SNN: variants seen among roughly 807,000 people sequenced by gnomAD.
SNN encodes the protein AG8_1.
A neutral mutation model predicts 5.3 loss-of-function variants in SNN; 5 were observed. The ratio of observed to expected loss-of-function variants is 0.94; its 90% confidence interval spans 0.49 to 1.97. The LOEUF is 1.97. SNN is among the 30% of genes most tolerant of loss of function. The pLI, the probability that SNN is intolerant of heterozygous loss-of-function variation, is 0.01. For missense variants in SNN, 127 were observed against 121.6 expected (o/e 1.04, Z -0.21); for synonymous variants, 67 against 52.1 (o/e 1.29, Z -1.24).
At chr16:11,670,893 G>A (rs2050262261) in intron 1 of SNN, among the ~76,000 whole-genome samples, 2 of 152,118 alleles carry the variant, frequency 1.3e-5, no homozygotes, top group Admixed American at 6.5e-5. Context: ...GGCAGGGACT[G>A]TCCATTTGAA....
At position 11,676,823 on chromosome 16, in the gene SNN, CT is replaced by C. The variant is rs975418037; in HGVS notation, c.*498del. 3 of 172,304 alleles carry C rather than the reference CT, an allele frequency of 1.7e-5. No homozygotes were observed. Among genetic ancestry groups the C allele is most frequent in the Admixed American group, 6.1e-5 (1 of 16,490 alleles). 10.7% of individuals were successfully genotyped at this position (172,304 alleles called of 1,614,324 possible). A position where few individuals can be genotyped will look rare whatever the true frequency, so the allele number is the denominator to read the frequency against. On this transcript the variant is annotated 3_prime_UTR_variant, in exon 2 of 2. Coordinates refer to ENST00000329565, the MANE Select transcript of SNN (RefSeq NM_003498.6). Reference sequence around the variant, plus strand: ...GGCCCACGCCACACTCGGCAGGGGTCTCTCATGTGTGTCCATCTGCGTGTAT... The same window carrying C: ...GGCCCACGCCACACTCGGCAGGGGTCCTCATGTGTGTCCATCTGCGTGTAT...
chr16:11,676,570 C>T lies in SNN; in HGVS notation c.*244C>T, dbSNP rs975850418. On this transcript the variant is annotated 3_prime_UTR_variant, in exon 2 of 2. Transcript: ENST00000329565. Reference sequence around the variant, plus strand: ...GCCTGACCTTGCTGGGGCTCATGGCCCTGTAGCGCTTTTGTTACTTGAATG... The same window carrying T: ...GCCTGACCTTGCTGGGGCTCATGGCTCTGTAGCGCTTTTGTTACTTGAATG... 3 of 532,760 alleles carry T rather than the reference C, an allele frequency of 5.6e-6. No individual in the cohort carries two copies. The highest frequency in any genetic ancestry group is 6.1e-5 in the South Asian group (2 of 32,708). The allele number at this position is 532,760 out of a possible 1,614,324, so 33.0% of individuals were successfully genotyped here.
At position 11,672,223 on chromosome 16, in the gene SNN, G is replaced by A. The variant is rs2050270166; in HGVS notation, c.-86+3683G>A. On this transcript the variant is annotated intron_variant, in intron 1 of 1. Coordinates refer to ENST00000329565, the MANE Select transcript of SNN (RefSeq NM_003498.6). This position sits in a 1 kb window ranked among gnomAD's most constrained non-coding sequence, Gnocchi z 6.0. Reference sequence around the variant, plus strand: ...GGTACAGCTGTGGGCGGGACAGACGGTGCCCTCCTTGGACTGCCTTGGAGT... The same window carrying A: ...GGTACAGCTGTGGGCGGGACAGACGATGCCCTCCTTGGACTGCCTTGGAGT... Among the ~76,000 whole-genome samples the A allele has an allele frequency of 6.6e-6, 1 of 152,330 alleles. No individual in the cohort carries two copies. Among genetic ancestry groups the A allele is most frequent in the South Asian group, 2.1e-4 (1 of 4,826 alleles).
chr16:11,678,924 G>A lies in SNN; in HGVS notation c.*2598G>A. 2.3e-6 allele frequency: 1 copy of A among 435,524 alleles called. No individual in the cohort carries two copies. The highest frequency in any genetic ancestry group is 4.3e-6 in the Non-Finnish European group (1 of 235,004). 27.0% of individuals were successfully genotyped at this position (435,524 alleles called of 1,614,324 possible). The stretch of plus-strand genomic sequence containing the variant: ...GAAGCAACAGTGGGGGCACAGGGAG[G>A]GAACTCTTGACACTGAGCCACTAAA... On this transcript the variant is annotated 3_prime_UTR_variant, in exon 2 of 2. Transcript: ENST00000329565.
In SNN at chr16:11,676,401, G is replaced by A. The variant is rs1443000985; in HGVS notation, c.*75G>A. 11 of 1,489,846 alleles carry A rather than the reference G, an allele frequency of 7.4e-6. No homozygotes were observed. The highest frequency in any genetic ancestry group is 2.4e-5 in the East Asian group (1 of 41,512). The allele number at this position is 1,489,846 out of a possible 1,614,324, so 92.3% of individuals were successfully genotyped here. The stretch of plus-strand genomic sequence containing the variant: ...GGGAGGGGCAAAACCATACGGATGC[G>A]CTGCTGTCTGAGAGGAAGGGCTGAC... On this transcript the variant is annotated 3_prime_UTR_variant, in exon 2 of 2. Coordinates refer to ENST00000329565, the MANE Select transcript of SNN (RefSeq NM_003498.6).
chr16:11,675,237 A>G (rs1385146091), intron 1 of SNN, among the ~76,000 whole-genome samples: 1 of 130,072 alleles, frequency 7.7e-6, no homozygotes, highest in African/African-American at 2.8e-5. Context: ...TGTCATTGTC[A>G]TTTCTTTTTC....
chr16:11,669,561 C>T (rs969018858), intron 1 of SNN, among the ~76,000 whole-genome samples: 7 of 152,368 alleles, frequency 4.6e-5, no homozygotes, highest in African/African-American at 1.7e-4. Context: ...CAAGAGGGAA[C>T]AGTAATAGCT....
chr16:11,673,324 G>A (rs1035164390), intron 1 of SNN, among the ~76,000 whole-genome samples: 1 of 152,152 alleles, frequency 6.6e-6, no homozygotes, highest in African/African-American at 2.4e-5. Context: ...ACAGAGCAGG[G>A]CCACCGTGGA....
rs1356190184 is a variant in SNN, at chr16:11,676,671, C to T, written c.*345C>T. 6 of 279,392 alleles carry T rather than the reference C, an allele frequency of 2.1e-5. No homozygotes were observed. Among genetic ancestry groups the T allele is most frequent in the Non-Finnish European group, 3.7e-5 (5 of 136,626 alleles). The allele number at this position is 279,392 out of a possible 1,614,324, so 17.3% of individuals were successfully genotyped here. A position where few individuals can be genotyped will look rare whatever the true frequency, so the allele number is the denominator to read the frequency against. On this transcript the variant is annotated 3_prime_UTR_variant, in exon 2 of 2. Coordinates refer to ENST00000329565, the MANE Select transcript of SNN (RefSeq NM_003498.6). ...CAAACCTGTGAACTGTAAATAGGCC[C>T]CTGGAAGCACGTGCTTAAGCCCTTT...
rs550841237 is a variant in SNN, at chr16:11,676,018, C to T, written c.-42C>T. ...GAGTTCCAGCCTCACTGAGTGGCCA[C>T]CCCCAAAGTGCTGCCAGCCGAGGAA... On this transcript the variant is annotated 5_prime_UTR_variant, in exon 2 of 2. Transcript: ENST00000329565. 2.9e-5 allele frequency: 45 copies of T among 1,540,584 alleles called. No homozygotes were observed. In the South Asian group the frequency reaches 5.3e-4, roughly 18 times the overall value.
Position 11,672,065 on chromosome 16 carries a change from T to C in SNN, c.-86+3525T>C, listed in dbSNP as rs2050269234. 6.7e-6 allele frequency among the ~76,000 whole-genome samples: 1 copy of C among 149,156 alleles called. No individual in the cohort carries two copies. Among genetic ancestry groups the C allele is most frequent in the Non-Finnish European group, 1.5e-5 (1 of 65,662 alleles). On this transcript the variant is annotated intron_variant, in intron 1 of 1. Transcript: ENST00000329565. This position sits in a 1 kb window ranked among gnomAD's most constrained non-coding sequence, Gnocchi z 6.0. Reference sequence around the variant, plus strand: ...TGTGCTCAGGGTTCTGGGAGTGCCCTGAGTGTCAGGGACCCCCCCACCTAT... The same window carrying C: ...TGTGCTCAGGGTTCTGGGAGTGCCCCGAGTGTCAGGGACCCCCCCACCTAT...
chr16:11,669,905 T>C (rs1317840020), intron 1 of SNN, among the ~76,000 whole-genome samples: 1 of 150,616 alleles, frequency 6.6e-6, no homozygotes, highest in Non-Finnish European at 1.5e-5. Context: ...GTGTCATGGG[T>C]GGGGGTGGAG....
At chr16:11,670,703 C>G (rs8191282) in intron 1 of SNN, among the ~76,000 whole-genome samples, 9 of 152,222 alleles carry the variant, frequency 5.9e-5, no homozygotes, top group Non-Finnish European at 1.2e-4. Context: ...AAGCAGGCCG[C>G]AAAAGTGAGT....
chr16:11,675,254 T>C (rs2050291915), intron 1 of SNN, among the ~76,000 whole-genome samples: 1 of 149,926 alleles, frequency 6.7e-6, no homozygotes, highest in African/African-American at 2.5e-5. Context: ...TTTCTTTTTT[T>C]TTTCTTTTTT....
chr16:11,670,483 G>A (rs898416953), intron 1 of SNN, among the ~76,000 whole-genome samples: 1 of 152,178 alleles, frequency 6.6e-6, no homozygotes, highest in East Asian at 1.9e-4. Flanking sequence ...GGGATCCCTC[G>A]GGCTCAGTGT....
At chr16:11,673,501 C>T (rs931875090) in intron 1 of SNN, among the ~76,000 whole-genome samples, 7 of 152,302 alleles carry the variant, frequency 4.6e-5, no homozygotes, top group African/African-American at 1.2e-4. Flanking sequence ...TTTCTCCAGC[C>T]GGGCCATCTG....
At position 11,676,164 on chromosome 16, in the gene SNN, C is replaced by T; in HGVS notation, c.105C>T (p.Tyr35=). The change falls in exon 2 of 2, where the codon TAC becomes TAT. Residue 35 remains tyrosine, a synonymous_variant. Coordinates refer to ENST00000329565, the MANE Select transcript of SNN (RefSeq NM_003498.6). ...LGALILGCWC[Y]LRLQRISQSE... Reference sequence around the variant, plus strand: ...CCTTGATCCTGGGCTGCTGGTGCTACCTGCGGCTGCAGCGCATCAGCCAGT... The same window carrying T: ...CCTTGATCCTGGGCTGCTGGTGCTATCTGCGGCTGCAGCGCATCAGCCAGT... 2 of 1,614,216 alleles carry T rather than the reference C, an allele frequency of 1.2e-6. No homozygotes were observed. Among genetic ancestry groups the T allele is most frequent in the Non-Finnish European group, 1.7e-6 (2 of 1,180,048 alleles).
At chr16:11,670,980 C>T (rs1198202212) in intron 1 of SNN, among the ~76,000 whole-genome samples, 2 of 152,232 alleles carry the variant, frequency 1.3e-5, no homozygotes, top group Non-Finnish European at 2.9e-5. Flanking sequence ...CTCTGTGGGC[C>T]TTGGCAAACC....
rs1046661602 is a variant in SNN, at chr16:11,672,565, C to T, written c.-85-3410C>T. Among the ~76,000 whole-genome samples, 2 of 152,164 alleles carry T rather than the reference C, an allele frequency of 1.3e-5. No individual in the cohort carries two copies. The highest frequency in any genetic ancestry group is 2.4e-5 in the African/African-American group (1 of 41,432). On this transcript the variant is annotated intron_variant, in intron 1 of 1. Coordinates refer to ENST00000329565, the MANE Select transcript of SNN (RefSeq NM_003498.6). The surrounding 1 kb of genome is among the most constrained non-coding windows in gnomAD (Gnocchi z 6.0). ...TGGGGAGGATTCTGAGTGGGGAGAA[C>T]GCCATCACATTTTTGCAAAGATCGT...
Sources: allele counts gnomAD v4.1 joint callset (sites outside exome capture counted in the v4.1 genomes callset), GRCh38; gene constraint gnomAD v4.1.1; non-coding constraint Gnocchi (gnomAD v3.1); transcripts MANE v1.5; gene names NCBI Gene and HGNC (gene_info 2026-07-23, HGNC 2026-07-21).